Variants in QTMAN observed in about 807,000 individuals in gnomAD.
QTMAN encodes the protein queuosine-tRNA mannosyltransferase, also known as tRNA-queuosine alpha-mannosyltransferase.
chr2:144,074,263 ATAAC>A, the QTMAN span, among the ~76,000 whole-genome samples: 1 of 152,242 alleles, frequency 6.6e-6, no homozygotes, highest in African/African-American at 2.4e-5. Context: ...TTGGCTACAG[ATAAC>A]TAATTACAAA....
the QTMAN span, among the ~76,000 whole-genome samples, chr2:144,055,960 G>C: frequency 6.6e-6 from 1 of 152,184 alleles, no homozygotes; most frequent in African/African-American, 2.4e-5. Context: ...CCACTTACTA[G>C]TTTTGTGACC....
At chr2:144,134,121 T>C in the QTMAN span, among the ~76,000 whole-genome samples, 1 of 152,162 alleles carries the variant, frequency 6.6e-6, no homozygotes, top group Non-Finnish European at 1.5e-5. Context: ...TTCTGTCCTA[T>C]CAATCCACAA....
At chr2:144,131,086 CAGTATCA>C in the QTMAN span, among the ~76,000 whole-genome samples, 1 of 151,788 alleles carries the variant, frequency 6.6e-6, no homozygotes, top group Admixed American at 6.6e-5. Context: ...ATAATTTGAG[CAGTATCA>C]AGTATGTCAA....
At chr2:144,314,144 C>G in the QTMAN span, among the ~76,000 whole-genome samples, 1 of 152,026 alleles carries the variant, frequency 6.6e-6, no homozygotes, top group African/African-American at 2.4e-5. Flanking sequence ...AATAGAAAAA[C>G]AGTCAAATGC....
At chr2:143,973,300 A>G in the QTMAN span, among the ~76,000 whole-genome samples, 1 of 152,154 alleles carries the variant, frequency 6.6e-6, no homozygotes, top group Non-Finnish European at 1.5e-5. Flanking sequence ...AATTGGACCA[A>G]AACTCCCTCA....
the QTMAN span, among the ~76,000 whole-genome samples, chr2:144,050,124 G>C: frequency 2.0e-5 from 3 of 152,010 alleles, no homozygotes; most frequent in Admixed American, 6.5e-5. Context: ...TAATTCCAAA[G>C]GCTTTGTATT....
chr2:144,276,614 T>C, the QTMAN span, among the ~76,000 whole-genome samples: 3 of 152,222 alleles, frequency 2.0e-5, no homozygotes, highest in Non-Finnish European at 2.9e-5. Flanking sequence ...TACATGTACA[T>C]TGTTTATAGG....
At chr2:144,208,933 G>C in the QTMAN span, 1 of 519,262 alleles carries the variant, frequency 1.9e-6, no homozygotes, top group Non-Finnish European at 3.3e-6. Flanking sequence ...TTCAAAATAG[G>C]CTTATCCCAT....
At chr2:144,321,515 T>C in the QTMAN span, among the ~76,000 whole-genome samples, 1 of 152,198 alleles carries the variant, frequency 6.6e-6, no homozygotes, top group Admixed American at 6.5e-5. Context: ...ACAAACGCAG[T>C]CATAAATTGT....
the QTMAN span, among the ~76,000 whole-genome samples, chr2:144,098,614 C>A: frequency 6.6e-6 from 1 of 151,714 alleles, no homozygotes; most frequent in African/African-American, 2.4e-5. Context: ...ACTCGGGAGG[C>A]TGAGGCAGGA....
chr2:144,243,522 A>T, the QTMAN span, among the ~76,000 whole-genome samples: 1 of 152,242 alleles, frequency 6.6e-6, no homozygotes, highest in South Asian at 2.1e-4. Flanking sequence ...ATGAAACTCT[A>T]TTGAAGCTGT....
At chr2:144,244,073 A>C in the QTMAN span, among the ~76,000 whole-genome samples, 1 of 152,254 alleles carries the variant, frequency 6.6e-6, no homozygotes, top group African/African-American at 2.4e-5. Context: ...GTTAACAGTC[A>C]AAGTAATTCA....
chr2:144,280,290 C>T, the QTMAN span, among the ~76,000 whole-genome samples: 1 of 152,046 alleles, frequency 6.6e-6, no homozygotes, highest in East Asian at 1.9e-4. Context: ...ACAAATCCAC[C>T]CATATACAGA....
the QTMAN span, among the ~76,000 whole-genome samples, chr2:144,196,191 G>A: frequency 2.0e-5 from 3 of 149,078 alleles, no homozygotes; most frequent in South Asian, 6.4e-4. Context: ...ATTGTCACAT[G>A]TGCACGTGCA....
chr2:143,956,999 G>C, the QTMAN span, among the ~76,000 whole-genome samples: 1 of 152,016 alleles, frequency 6.6e-6, no homozygotes, highest in Non-Finnish European at 1.5e-5. Context: ...GATTGTATGT[G>C]GGGGGAAAAA....
chr2:143,982,232 T>TTCTC, the QTMAN span, among the ~76,000 whole-genome samples: 1 of 151,072 alleles, frequency 6.6e-6, no homozygotes, highest in Non-Finnish European at 1.5e-5. Flanking sequence ...TTTTCTTTCT[T>TTCTC]TCTCTTTTTT....
the QTMAN span, among the ~76,000 whole-genome samples, chr2:143,982,086 T>G: frequency 6.6e-6 from 1 of 152,180 alleles, no homozygotes; most frequent in African/African-American, 2.4e-5. Flanking sequence ...ATTCTGAATA[T>G]TCTAATAACA....
At chr2:144,069,960 C>T in the QTMAN span, among the ~76,000 whole-genome samples, 131 of 152,042 alleles carry the variant, frequency 8.6e-4, 1 homozygote, top group Middle Eastern at 0.017. Flanking sequence ...TCATTTTTAA[C>T]GCTATACATT....
the QTMAN span, among the ~76,000 whole-genome samples, chr2:144,321,174 A>G: frequency 5.3e-5 from 8 of 152,304 alleles, 1 homozygote; most frequent in East Asian, 1.4e-3. Flanking sequence ...AAGTTTCTAT[A>G]CTTGCTTCAT....
Sources: allele counts gnomAD v4.1 joint callset (sites outside exome capture counted in the v4.1 genomes callset), GRCh38; gene constraint gnomAD v4.1.1; transcripts MANE v1.5; gene names NCBI Gene and HGNC (gene_info 2026-07-23, HGNC 2026-07-21).